Variants in SGCZ observed in about 807,000 individuals in gnomAD.
The protein encoded by SGCZ is zeta-sarcoglycan.
In SGCZ, 40 loss-of-function variants were observed where a neutral mutation model predicts 41.3. That is an observed-to-expected ratio of 0.97 (90% CI 0.75 to 1.26). SGCZ has a LOEUF of 1.26. Ranked by LOEUF, SGCZ falls within the 50% of genes most tolerant of loss-of-function variation. The pLI is 0.00. For missense variants in SGCZ, 552 were observed against 369.8 expected (o/e 1.49, Z -4.04); for synonymous variants, 206 against 137.5 (o/e 1.50, Z -3.49).
At chr8:14,128,099 G>A (rs184877634) in intron 5 of SGCZ, among the ~76,000 whole-genome samples, 1 of 152,138 alleles carries the variant, frequency 6.6e-6, no homozygotes, top group African/African-American at 2.4e-5. Context: ...AGATTCTGGC[G>A]AGGTTGTGGA....
At chr8:14,121,290 G>C (rs1444686978) in intron 5 of SGCZ, among the ~76,000 whole-genome samples, 1 of 151,834 alleles carries the variant, frequency 6.6e-6, no homozygotes, top group African/African-American at 2.4e-5. Flanking sequence ...AAATCAACAT[G>C]TCACGCTGTC....
chr8:14,582,062 G>C (rs2117261647), intron 1 of SGCZ, among the ~76,000 whole-genome samples: 2 of 152,176 alleles, frequency 1.3e-5, no homozygotes, highest in Middle Eastern at 3.4e-3. Context: ...TGATGAGCAT[G>C]AAGAACTTTA....
intron 1 of SGCZ, among the ~76,000 whole-genome samples, chr8:14,753,960 T>C (rs759491404): frequency 6.6e-6 from 1 of 152,200 alleles, no homozygotes; most frequent in Non-Finnish European, 1.5e-5. Context: ...CTTTAGTCTT[T>C]AAATATGAAA....
chr8:14,441,759 A>G (rs1163545919), intron 2 of SGCZ, among the ~76,000 whole-genome samples: 1 of 152,092 alleles, frequency 6.6e-6, no homozygotes, highest in Non-Finnish European at 1.5e-5. Context: ...AAAACGGTAC[A>G]TCATTTTGCT....
chr8:14,245,585 A>G (rs1429882021), intron 3 of SGCZ, among the ~76,000 whole-genome samples: 1 of 152,216 alleles, frequency 6.6e-6, no homozygotes, highest in African/African-American at 2.4e-5. Flanking sequence ...AAAAGCCAAA[A>G]TTGACAAATG....
At chr8:14,946,904 G>T (rs1319692948) in intron 1 of SGCZ, among the ~76,000 whole-genome samples, 1 of 151,994 alleles carries the variant, frequency 6.6e-6, no homozygotes, top group Non-Finnish European at 1.5e-5. Flanking sequence ...TCGAACTCCT[G>T]ACCTCATGAT....
rs1182020354 is a variant in SGCZ at position 14,660,553 on chromosome 8, A to G, written c.40-105627T>C. Among the ~76,000 whole-genome samples the G allele has an allele frequency of 2.1e-5, 3 of 140,274 alleles. No individual in the cohort carries two copies. In the East Asian group the frequency reaches 6.4e-4, roughly 30 times the overall value. 92.0% of individuals were successfully genotyped at this position (140,274 alleles called of 152,430 possible). On this transcript the variant is annotated intron_variant, in intron 1 of 7. Transcript: ENST00000382080. ...GCCACTGCACTCCAGCCTGGGCAACAGAGCAAAAACTCCATCTCAAAAAAA... is the reference window on the plus strand; with the variant it reads ...GCCACTGCACTCCAGCCTGGGCAACGGAGCAAAAACTCCATCTCAAAAAAA...
rs868143142 is a variant in SGCZ at position 14,731,699 on chromosome 8, C to A, written c.40-176773G>T. Among the ~76,000 whole-genome samples, 33 of 152,248 alleles carry A rather than the reference C, an allele frequency of 2.2e-4. 1 individual carries two copies. Among genetic ancestry groups the A allele is most frequent in the African/African-American group, 7.9e-4 (33 of 41,538 alleles). On this transcript the variant is annotated intron_variant, in intron 1 of 7. Coordinates refer to ENST00000382080, the MANE Select transcript of SGCZ (RefSeq NM_139167.4). The stretch of plus-strand genomic sequence containing the variant: ...GCATTCCATTTCATTGTACATATGA[C>A]ACATTTTGTAAAGATTACATATTTT...
At chr8:14,257,152 A>G (rs1437225153) in intron 3 of SGCZ, among the ~76,000 whole-genome samples, 1 of 152,040 alleles carries the variant, frequency 6.6e-6, no homozygotes, top group Non-Finnish European at 1.5e-5. Context: ...AATATGGCAA[A>G]AATTCACCTC....
intron 1 of SGCZ, among the ~76,000 whole-genome samples, chr8:14,955,923 T>C (rs995530622): frequency 6.6e-6 from 1 of 152,180 alleles, no homozygotes; most frequent in Non-Finnish European, 1.5e-5. Flanking sequence ...TGTACCAATA[T>C]TTTGCTGCAT....
intron 1 of SGCZ, among the ~76,000 whole-genome samples, chr8:14,594,105 G>A (rs1180459858): frequency 3.9e-5 from 6 of 151,974 alleles, no homozygotes; most frequent in South Asian, 2.1e-4. Context: ...AGCCCGGGAG[G>A]TGGAGGTTAC....
intron 1 of SGCZ, among the ~76,000 whole-genome samples, chr8:14,556,791 T>C (rs1327150993): frequency 1.3e-5 from 2 of 152,110 alleles, no homozygotes; most frequent in African/African-American, 2.4e-5. Context: ...TTTTTATGGC[T>C]GAGTAGTATT....
chr8:14,178,574 A>G (rs1180347558), intron 4 of SGCZ, among the ~76,000 whole-genome samples: 1 of 152,204 alleles, frequency 6.6e-6, no homozygotes, highest in Non-Finnish European at 1.5e-5. Context: ...TTTGATAAGC[A>G]AGACTAATTT....
intron 1 of SGCZ, among the ~76,000 whole-genome samples, chr8:14,954,872 T>C (rs1800746189): frequency 6.6e-6 from 1 of 152,192 alleles, no homozygotes; most frequent in South Asian, 2.1e-4. Flanking sequence ...AAGTCATTGT[T>C]TGTGATGATT....
intron 2 of SGCZ, among the ~76,000 whole-genome samples, chr8:14,443,982 C>T (rs1019022584): frequency 3.3e-5 from 5 of 152,028 alleles, no homozygotes; most frequent in African/African-American, 1.2e-4. Context: ...ACAAACAACC[C>T]CATCAAAAAG....
At chr8:14,947,892 T>G (rs1800505834) in intron 1 of SGCZ, among the ~76,000 whole-genome samples, 2 of 152,200 alleles carry the variant, frequency 1.3e-5, no homozygotes, top group African/African-American at 4.8e-5. Flanking sequence ...TTCATCAGAT[T>G]GATTTTTGAA....
chr8:14,478,179 A>G (rs1801414862), intron 2 of SGCZ, among the ~76,000 whole-genome samples: 1 of 152,236 alleles, frequency 6.6e-6, no homozygotes, highest in Non-Finnish European at 1.5e-5. Context: ...TAATCTAGCA[A>G]TCATGCCCCT....
intron 3 of SGCZ, among the ~76,000 whole-genome samples, chr8:14,243,927 C>A (rs1273812806): frequency 6.6e-6 from 1 of 152,134 alleles, no homozygotes; most frequent in African/African-American, 2.4e-5. Context: ...CTGAACTGTC[C>A]TGAAAACATA....
At chr8:14,234,022 T>C (rs1806667532) in intron 4 of SGCZ, among the ~76,000 whole-genome samples, 3 of 151,980 alleles carry the variant, frequency 2.0e-5, no homozygotes, top group African/African-American at 7.2e-5. Flanking sequence ...TCCTCCAATG[T>C]TATGAAGGTC....
Sources: gnomAD v4.1 joint callset for allele counts (sites outside exome capture counted in the v4.1 genomes callset) on GRCh38, gnomAD v4.1.1 for gene constraint, MANE v1.5 for transcripts, NCBI Gene and HGNC (gene_info 2026-07-23, HGNC 2026-07-21) for gene names.